ABLIM1: variants seen among roughly 807,000 people sequenced by gnomAD.
ABLIM1 encodes actin-binding LIM protein 1.
In ABLIM1, 40 loss-of-function variants were observed where a neutral mutation model predicts 107.0. The observed-to-expected ratio is 0.37, with a 90% CI of 0.29 to 0.49. The LOEUF is 0.49. Among genes scored for constraint, ABLIM1 ranks in the 20% least tolerant of loss-of-function variants. ABLIM1 has a pLI of 0.97. For missense variants in ABLIM1, 857 were observed against 1,008.5 expected, an observed-to-expected ratio of 0.85 and a Z score of 2.04; for synonymous variants, 357 against 357.3, an observed-to-expected ratio of 1.00 and a Z score of 0.01.
chr10:114,752,559 A>G (rs913173822), intron 1 of ABLIM1, among the ~76,000 whole-genome samples: 2 of 152,128 alleles, frequency 1.3e-5, no homozygotes, highest in African/African-American at 2.4e-5. Flanking sequence ...CCCAGCATGC[A>G]TTAGCTATTT....
intron 8 of ABLIM1, among the ~76,000 whole-genome samples, chr10:114,479,731 C>G (rs1046912710): frequency 6.6e-6 from 1 of 152,068 alleles, no homozygotes; most frequent in Non-Finnish European, 1.5e-5. Context: ...GAGGTCTCTC[C>G]CTTATGAAGG....
At chr10:114,742,059 A>G (rs1591923648) in intron 1 of ABLIM1, among the ~76,000 whole-genome samples, 1 of 152,244 alleles carries the variant, frequency 6.6e-6, no homozygotes, top group Admixed American at 6.5e-5. Flanking sequence ...TAACTTATGG[A>G]CTTCGATACT....
At chr10:114,715,568 A>G (rs2081643481) in intron 1 of ABLIM1, among the ~76,000 whole-genome samples, 1 of 152,194 alleles carries the variant, frequency 6.6e-6, no homozygotes, top group South Asian at 2.1e-4. Flanking sequence ...CCCTTGGCAC[A>G]GTGGGTAAAA....
At chr10:114,634,129 CTTT>C (rs745875295) in intron 1 of ABLIM1, among the ~76,000 whole-genome samples, 11 of 68,296 alleles carry the variant, frequency 1.6e-4, no homozygotes, top group East Asian at 5.7e-4. Flanking sequence ...CTCAATTTTT[CTTT>C]TTTTTTTTTT....
chr10:114,519,679 C>T (rs911180804), intron 6 of ABLIM1, among the ~76,000 whole-genome samples: 13 of 152,196 alleles, frequency 8.5e-5, no homozygotes, highest in Non-Finnish European at 1.5e-4. Context: ...TTAAAGGGTT[C>T]AGGGGTCCCT....
intron 4 of ABLIM1, among the ~76,000 whole-genome samples, chr10:114,556,206 G>A (rs2068708935): frequency 6.6e-6 from 1 of 152,200 alleles, no homozygotes; most frequent in Admixed American, 6.5e-5. Flanking sequence ...AAATGGTGGA[G>A]GTGGAATGTG....
intron 1 of ABLIM1, among the ~76,000 whole-genome samples, chr10:114,672,882 T>C (rs2080314722): frequency 6.6e-6 from 1 of 152,190 alleles, no homozygotes; most frequent in Admixed American, 6.5e-5. Context: ...CTGCACTGAA[T>C]TGTAGTGGCA....
intron 1 of ABLIM1, among the ~76,000 whole-genome samples, chr10:114,733,008 A>C (rs915333707): frequency 9.2e-5 from 14 of 152,220 alleles, no homozygotes; most frequent in Non-Finnish European, 1.9e-4. Flanking sequence ...ATAATTAAGA[A>C]TGTGCTGGAA....
intron 1 of ABLIM1, among the ~76,000 whole-genome samples, chr10:114,672,226 A>C (rs1322242684): frequency 6.7e-6 from 1 of 148,756 alleles, no homozygotes; most frequent in Non-Finnish European, 1.5e-5. Context: ...TTTTAGATGG[A>C]GTCTCACTCT....
intron 1 of ABLIM1, among the ~76,000 whole-genome samples, chr10:114,727,729 C>T (rs892866991): frequency 5.9e-5 from 9 of 152,144 alleles, no homozygotes; most frequent in Admixed American, 4.6e-4. Context: ...CCAAGGTGGG[C>T]AGATCACTTG....
rs139182068 is a variant in ABLIM1 at position 114,603,266 on chromosome 10, C to T, written c.245-1305G>A. Reference sequence around the variant, plus strand: ...ATAATAGTTCACTGTTTCTCTCAGACCTCAGCAGTGTTCTCATTTTGCCTG... The same window carrying T: ...ATAATAGTTCACTGTTTCTCTCAGATCTCAGCAGTGTTCTCATTTTGCCTG... On this transcript the variant is annotated intron_variant, in intron 1 of 22. Transcript: ENST00000533213. Among the ~76,000 whole-genome samples the T allele has an allele frequency of 3.6e-3, 546 of 152,280 alleles. 3 individuals are homozygous for T. The highest frequency in any genetic ancestry group is 0.013 in the African/African-American group (520 of 41,540).
chr10:114,516,116 T>C (rs993194299), intron 6 of ABLIM1, among the ~76,000 whole-genome samples: 1 of 150,518 alleles, frequency 6.6e-6, no homozygotes, highest in African/African-American at 2.4e-5. Flanking sequence ...TCTAAGGGAG[T>C]GAGGTGAGCA....
chr10:114,489,037 G>A (rs1226621993), intron 7 of ABLIM1, among the ~76,000 whole-genome samples: 4 of 150,500 alleles, frequency 2.7e-5, no homozygotes, highest in Non-Finnish European at 5.9e-5. Flanking sequence ...TTTCTTTTGA[G>A]ACAGAGTCTT....
intron 1 of ABLIM1, among the ~76,000 whole-genome samples, chr10:114,604,759 C>A (rs771095571): frequency 6.6e-6 from 1 of 152,230 alleles, no homozygotes; most frequent in African/African-American, 2.4e-5. Context: ...CTTGACTACA[C>A]AGGAGAATGC....
At chr10:114,585,616 G>GC (rs2074098312) in intron 2 of ABLIM1, among the ~76,000 whole-genome samples, 1 of 151,944 alleles carries the variant, frequency 6.6e-6, no homozygotes, top group African/African-American at 2.4e-5. Context: ...TTGCATGTAA[G>GC]CCCCCCACAT....
At chr10:114,787,167 A>G in the ABLIM1 span, among the ~76,000 whole-genome samples, 2 of 146,322 alleles carry the variant, frequency 1.4e-5, no homozygotes, top group East Asian at 4.1e-4. Context: ...GGATGTGAGG[A>G]GCGTCTCTGC....
intron 1 of ABLIM1, among the ~76,000 whole-genome samples, chr10:114,720,565 A>G (rs1311081688): frequency 6.6e-6 from 1 of 152,168 alleles, no homozygotes; most frequent in Non-Finnish European, 1.5e-5. Flanking sequence ...CAGGACCCCT[A>G]GGAGATCCAC....
intron 1 of ABLIM1, among the ~76,000 whole-genome samples, chr10:114,733,696 A>G (rs978139196): frequency 6.6e-6 from 1 of 152,164 alleles, no homozygotes; most frequent in Non-Finnish European, 1.5e-5. Flanking sequence ...GTTTGCTCCC[A>G]ATAAGTCGCA....
chr10:114,621,536 C>G (rs1320239693), intron 1 of ABLIM1, among the ~76,000 whole-genome samples: 1 of 152,146 alleles, frequency 6.6e-6, no homozygotes, highest in Non-Finnish European at 1.5e-5. Flanking sequence ...AACACCATCC[C>G]CAACATTAAG....
Sources: gnomAD v4.1 joint callset for allele counts (sites outside exome capture counted in the v4.1 genomes callset) on GRCh38, gnomAD v4.1.1 for gene constraint, MANE v1.5 for transcripts, NCBI Gene and HGNC (gene_info 2026-07-23, HGNC 2026-07-21) for gene names.